TMC7: variants seen among roughly 807,000 people sequenced by gnomAD.
TMC7 encodes transmembrane channel like 7.
Under a neutral mutation model 82.9 loss-of-function variants are expected in TMC7, and 54 were observed. That is an observed-to-expected ratio of 0.65 (90% CI 0.52 to 0.82). The LOEUF is 0.82. TMC7 is among the 40% of genes least tolerant of loss of function. The pLI is 0.00. For missense variants in TMC7, 820 were observed against 901.2 expected (o/e 0.91, Z 1.15); for synonymous variants, 350 against 337.9 (o/e 1.04, Z -0.39).
At chr16:19,045,835 A>G (rs1289252248) in intron 11 of TMC7, among the ~76,000 whole-genome samples, 1 of 151,894 alleles carries the variant, frequency 6.6e-6, no homozygotes, top group Non-Finnish European at 1.5e-5. Context: ...TGACCTCGTG[A>G]TCCACCTGCC....
Position 19,037,919 on chromosome 16 carries a change from A to G in TMC7, c.1051A>G (p.Thr351Ala), listed in dbSNP as rs1369674475. The G allele has an allele frequency of 5.6e-6, 9 of 1,613,758 alleles. No homozygotes were observed. The highest frequency in any genetic ancestry group is 7.6e-6 in the Non-Finnish European group (9 of 1,179,950). ...ERMRQKIAER[T>A]SEETIRIYSL... ...AATGCGGCAGAAAATAGCAGAAAGG[A>G]CCTCAGAAGAAACAATACGCATTTA... The change falls in exon 8 of 16, where the codon ACC becomes GCC. Residue 351 changes from threonine to alanine, a missense_variant. Physicochemically the swap from Thr to Ala is moderately conservative, Grantham distance 58 (BLOSUM62 0). Around this residue, in one of 2 missense-constraint regions of TMC7, gnomAD observed 650 missense variants for 669.9 expected, o/e 0.97. Coordinates refer to ENST00000304381, the MANE Select transcript of TMC7 (RefSeq NM_024847.4).
chr16:19,045,267 A>C, intron 10 of TMC7, 74 bp from the exon 11 acceptor site: 7 of 1,195,356 alleles, frequency 5.9e-6, no homozygotes, highest in Non-Finnish European at 8.7e-6. Context: ...AGGGAATTAG[A>C]AGGTGTCTTG....
At chr16:18,996,520 C>T (rs192982451) in intron 1 of TMC7, among the ~76,000 whole-genome samples, 209 of 152,182 alleles carry the variant, frequency 1.4e-3, no homozygotes, top group African/African-American at 4.4e-3. Context: ...GAACTACTGT[C>T]GAGTTTGTAT....
intron 5 of TMC7, among the ~76,000 whole-genome samples, chr16:19,027,245 T>G (rs567699248): frequency 6.6e-6 from 1 of 150,954 alleles, no homozygotes; most frequent in South Asian, 2.1e-4. Context: ...AATTTTGTTT[T>G]TAGTAGAGAC....
chr16:19,040,206 T>A, intron 8 of TMC7, 83 bp from the exon 9 acceptor site: 1 of 1,228,148 alleles, frequency 8.1e-7, no homozygotes, highest in East Asian at 2.5e-5. Flanking sequence ...CCAACACACA[T>A]AGTTGAGTTC....
At chr16:19,019,922 A>T (rs1253918306) in intron 3 of TMC7, among the ~76,000 whole-genome samples, 6 of 152,208 alleles carry the variant, frequency 3.9e-5, no homozygotes, top group Non-Finnish European at 5.9e-5. Flanking sequence ...AACTGTGGGT[A>T]TCTTATATCT....
At chr16:18,985,084 A>G (rs944380294) in intron 1 of TMC7, among the ~76,000 whole-genome samples, 1 of 152,074 alleles carries the variant, frequency 6.6e-6, no homozygotes, top group Non-Finnish European at 1.5e-5. Context: ...AGATGGTGAA[A>G]CCCCATCTCT....
intron 11 of TMC7, 139 bp downstream of exon 11, chr16:19,045,577 C>T (rs1381943445): frequency 3.9e-6 from 2 of 507,326 alleles, no homozygotes; most frequent in African/African-American, 2.0e-5. Flanking sequence ...GGAAATCTGA[C>T]AACTGGTAAC....
chr16:19,034,019 A>G (rs937696265), intron 6 of TMC7, among the ~76,000 whole-genome samples: 1 of 152,214 alleles, frequency 6.6e-6, no homozygotes, highest in Non-Finnish European at 1.5e-5. Context: ...GTTTTATACC[A>G]AGTGCCAGGT....
At chr16:19,052,429 TC>T (rs1202022180) in intron 13 of TMC7, among the ~76,000 whole-genome samples, 1 of 152,156 alleles carries the variant, frequency 6.6e-6, no homozygotes, top group Non-Finnish European at 1.5e-5. Flanking sequence ...ACTCCTGAGC[TC>T]AATGATCCTC....
At chr16:19,023,612 A>G (rs1168386326) in intron 5 of TMC7, among the ~76,000 whole-genome samples, 3 of 151,984 alleles carry the variant, frequency 2.0e-5, no homozygotes, top group Admixed American at 6.6e-5. Flanking sequence ...ACGCCCAGCT[A>G]ATTTTTGTAT....
chr16:19,018,306 C>T (rs1027327553), intron 3 of TMC7, among the ~76,000 whole-genome samples: 1 of 152,192 alleles, frequency 6.6e-6, no homozygotes. Context: ...TTGGCTTGGG[C>T]TGCCATAACA....
Position 19,023,192 on chromosome 16 carries a change from C to T in TMC7, c.708C>T (p.Gly236=), listed in dbSNP as rs769187591. The change falls in exon 5 of 16, where the codon GGC becomes GGT. Residue 236 remains glycine, a synonymous_variant. Coordinates refer to ENST00000304381, the MANE Select transcript of TMC7 (RefSeq NM_024847.4). Reference sequence around the variant, plus strand: ...GTTATATCATAGACTTGCTTTCTGGCACTGTAAGTATTTAACATAATCCTT... The same window carrying T: ...GTTATATCATAGACTTGCTTTCTGGTACTGTAAGTATTTAACATAATCCTT... ...FYSYIIDLLS[G]TGFLEETSLF... 1.9e-6 allele frequency: 3 copies of T among 1,584,534 alleles called. No individual in the cohort carries two copies. Among genetic ancestry groups the T allele is most frequent in the Non-Finnish European group, 2.6e-6 (3 of 1,154,790 alleles).
At position 19,063,548 on chromosome 16, in the gene TMC7, T is replaced by G. The variant is rs1231053129; in HGVS notation, c.*1705T>G. 6.6e-6 allele frequency: 1 copy of G among 151,318 alleles called. No homozygotes were observed. Among genetic ancestry groups the G allele is most frequent in the African/African-American group, 2.4e-5 (1 of 41,164 alleles). 9.4% of individuals were successfully genotyped at this position (151,318 alleles called of 1,614,324 possible). The stretch of plus-strand genomic sequence containing the variant: ...GCCTAGGTGACAGAGGGAGACCCTA[T>G]CTCAAAAAAAAAGATAGGTGAAAAG... On this transcript the variant is annotated 3_prime_UTR_variant, in exon 16 of 16. Coordinates refer to ENST00000304381, the MANE Select transcript of TMC7 (RefSeq NM_024847.4).
At chr16:19,027,581 G>A (rs977533960) in intron 5 of TMC7, among the ~76,000 whole-genome samples, 5 of 152,052 alleles carry the variant, frequency 3.3e-5, no homozygotes, top group Non-Finnish European at 5.9e-5. Flanking sequence ...CCTTTCCCCT[G>A]TAATTGTTAC....
chr16:19,055,022 A>C (rs981168451), intron 13 of TMC7, among the ~76,000 whole-genome samples: 1 of 152,060 alleles, frequency 6.6e-6, no homozygotes, highest in Non-Finnish European at 1.5e-5. Flanking sequence ...TGCTGGGATT[A>C]TAGGCACAAG....
chr16:19,050,461 G>T (rs896002289), intron 12 of TMC7, among the ~76,000 whole-genome samples: 1 of 150,904 alleles, frequency 6.6e-6, no homozygotes, highest in African/African-American at 2.4e-5. Flanking sequence ...TTTTCACAGT[G>T]CCACATGGGG....
intron 1 of TMC7, among the ~76,000 whole-genome samples, chr16:18,994,030 G>C (rs760342484): frequency 1.3e-5 from 2 of 152,056 alleles, no homozygotes; most frequent in Non-Finnish European, 2.9e-5. Flanking sequence ...TGAAGTGAAT[G>C]TCGGGTGGAT....
chr16:19,050,120 C>T (rs564588438), intron 12 of TMC7, among the ~76,000 whole-genome samples: 1 of 151,764 alleles, frequency 6.6e-6, no homozygotes, highest in African/African-American at 2.4e-5. Context: ...GCCTGTAATC[C>T]CAGCACTTTG....
Sources: gnomAD v4.1 joint callset for allele counts (sites outside exome capture counted in the v4.1 genomes callset) on GRCh38, gnomAD v4.1.1 for gene constraint, gnomAD v4.1.1 regional missense constraint, MANE v1.5 for transcripts, NCBI Gene and HGNC (gene_info 2026-07-23, HGNC 2026-07-21) for gene names.